Variants in PRKG1 observed in about 807,000 individuals in gnomAD.
PRKG1 encodes protein kinase cGMP-dependent 1.
A neutral mutation model predicts 88.1 loss-of-function variants in PRKG1; 35 were observed. That is an observed-to-expected ratio of 0.40 (90% CI 0.30 to 0.53). The LOEUF (loss-of-function observed/expected upper bound fraction) is 0.53. Among genes scored for constraint, PRKG1 ranks in the 20% least tolerant of loss-of-function variants. PRKG1 has a pLI of 0.59. For synonymous variants in PRKG1, 303 were observed against 292.5 expected (o/e 1.04, Z -0.37); for missense variants, 540 against 839.8 (o/e 0.64, Z 4.41).
intron 2 of PRKG1, among the ~76,000 whole-genome samples, chr10:51,208,458 C>A (rs1437820430): frequency 6.6e-6 from 1 of 152,064 alleles, no homozygotes; most frequent in Non-Finnish European, 1.5e-5. Context: ...AAGCACAGCC[C>A]CATTGTTACC....
At chr10:51,010,313 T>C (rs1842978991) in intron 1 of PRKG1, among the ~76,000 whole-genome samples, 1 of 152,258 alleles carries the variant, frequency 6.6e-6, no homozygotes, top group Admixed American at 6.5e-5. Flanking sequence ...GGCAAGATGC[T>C]GTGAGGATTG....
At chr10:51,899,978 C>T (rs910174658) in intron 4 of PRKG1, among the ~76,000 whole-genome samples, 7 of 152,128 alleles carry the variant, frequency 4.6e-5, no homozygotes, top group East Asian at 3.9e-4. Context: ...CCATGCTATG[C>T]GCCTGATCCT....
intron 9 of PRKG1, among the ~76,000 whole-genome samples, chr10:52,243,642 A>G (rs1472948599): frequency 6.6e-6 from 1 of 152,290 alleles, no homozygotes; most frequent in East Asian, 1.9e-4. Flanking sequence ...CCGGTGTTTA[A>G]TTATTGAAAC....
intron 2 of PRKG1, among the ~76,000 whole-genome samples, chr10:51,246,369 A>G (rs1589275936): frequency 6.6e-6 from 1 of 152,152 alleles, no homozygotes; most frequent in South Asian, 2.1e-4. Context: ...GCATAGATAG[A>G]GAGATAGCAC....
intron 2 of PRKG1, among the ~76,000 whole-genome samples, chr10:51,459,459 A>T (rs1179586067): frequency 3.9e-5 from 6 of 152,050 alleles, no homozygotes; most frequent in Admixed American, 2.0e-4. Context: ...ACCATGACCT[A>T]GAGGCCTGCT....
At chr10:52,089,391 G>A (rs1170427840) in intron 7 of PRKG1, among the ~76,000 whole-genome samples, 1 of 152,112 alleles carries the variant, frequency 6.6e-6, no homozygotes, top group African/African-American at 2.4e-5. Context: ...ACAAATTGAT[G>A]AAAAAATTCT....
chr10:51,744,832 C>T (rs1238678284), intron 3 of PRKG1, among the ~76,000 whole-genome samples: 1 of 152,108 alleles, frequency 6.6e-6, no homozygotes, highest in East Asian at 1.9e-4. Context: ...AGCACATCGA[C>T]CTGTAGAGAG....
chr10:52,181,079 T>C (rs1170080321), intron 9 of PRKG1, among the ~76,000 whole-genome samples: 1 of 152,210 alleles, frequency 6.6e-6, no homozygotes, highest in Admixed American at 6.5e-5. Context: ...ACTTGGGATG[T>C]GGGTGCACAG....
chr10:51,756,836 T>A (rs55910515), intron 3 of PRKG1, among the ~76,000 whole-genome samples: 50,929 of 150,744 alleles, frequency 0.34, 9,741 homozygotes, highest in Middle Eastern at 0.51. Flanking sequence ...AATAAATAAA[T>A]AAAATAATAA....
intron 2 of PRKG1, among the ~76,000 whole-genome samples, chr10:51,287,938 G>A (rs996271763): frequency 5.3e-5 from 8 of 151,934 alleles, no homozygotes; most frequent in Non-Finnish European, 8.8e-5. Flanking sequence ...TATAATACCA[G>A]GCTTTTATAA....
intron 2 of PRKG1, among the ~76,000 whole-genome samples, chr10:51,180,520 T>A (rs770778083): frequency 6.6e-6 from 1 of 152,202 alleles, no homozygotes; most frequent in African/African-American, 2.4e-5. Context: ...ATTGAACATA[T>A]ATGAAAATGT....
intron 5 of PRKG1, among the ~76,000 whole-genome samples, chr10:51,930,496 T>C (rs1354975515): frequency 4.3e-5 from 2 of 46,146 alleles, no homozygotes; most frequent in Non-Finnish European, 9.1e-5. Flanking sequence ...TTTTTTCCTC[T>C]TTTTTTTTTT....
intron 3 of PRKG1, among the ~76,000 whole-genome samples, chr10:51,641,623 T>C (rs776195275): frequency 1.3e-5 from 2 of 151,874 alleles, no homozygotes; most frequent in Non-Finnish European, 2.9e-5. Context: ...GATCGTCTAT[T>C]AGATTGGTGC....
chr10:51,854,978 T>C (rs1445269104), intron 4 of PRKG1, among the ~76,000 whole-genome samples: 1 of 152,138 alleles, frequency 6.6e-6, no homozygotes, highest in Non-Finnish European at 1.5e-5. Context: ...GCCTGATAAA[T>C]TTAGATTACT....
chr10:51,403,945 A>G (rs1837832765), intron 2 of PRKG1, among the ~76,000 whole-genome samples: 1 of 152,210 alleles, frequency 6.6e-6, no homozygotes, highest in African/African-American at 2.4e-5. Context: ...TAACAAAGCC[A>G]TTTGGATTCT....
At chr10:51,764,845 A>C (rs1216594453) in intron 3 of PRKG1, among the ~76,000 whole-genome samples, 1 of 152,178 alleles carries the variant, frequency 6.6e-6, no homozygotes, top group Non-Finnish European at 1.5e-5. Flanking sequence ...AGCCTTCAAG[A>C]ATGGGATTAG....
intron 3 of PRKG1, among the ~76,000 whole-genome samples, chr10:51,717,444 G>T (rs972943392): frequency 1.3e-5 from 2 of 152,192 alleles, no homozygotes; most frequent in Non-Finnish European, 2.9e-5. Flanking sequence ...CTGATTTAAT[G>T]TAAAGGTGGC....
chr10:51,532,833 C>A (rs972513815), intron 3 of PRKG1, among the ~76,000 whole-genome samples: 2 of 152,142 alleles, frequency 1.3e-5, no homozygotes, highest in Non-Finnish European at 2.9e-5. Flanking sequence ...AAATCAATAT[C>A]TCTCTCTCCT....
chr10:52,273,947 G>T (rs1018734367), intron 12 of PRKG1, among the ~76,000 whole-genome samples: 1 of 151,886 alleles, frequency 6.6e-6, no homozygotes, highest in African/African-American at 2.4e-5. Flanking sequence ...GTTAACATTT[G>T]GCATATCTAA....
Sources: allele counts gnomAD v4.1 joint callset (sites outside exome capture counted in the v4.1 genomes callset), GRCh38; gene constraint gnomAD v4.1.1; transcripts MANE v1.5; gene names NCBI Gene and HGNC (gene_info 2026-07-23, HGNC 2026-07-21).